CLVS1: variants seen among roughly 807,000 people sequenced by gnomAD.
CLVS1 encodes clavesin-1.
In CLVS1, 10 loss-of-function variants were observed where a neutral mutation model predicts 33.1. The ratio of observed to expected loss-of-function variants is 0.30; its 90% CI spans 0.19 to 0.51. The LOEUF (loss-of-function observed/expected upper bound fraction) is 0.51. Among genes scored for constraint, CLVS1 ranks in the 20% least tolerant of loss-of-function variants. The probability of loss-of-function intolerance (pLI) is 0.97; values close to 1 mark genes in which losing one functional copy is unlikely to be tolerated. For missense variants in CLVS1, 343 were observed against 433.4 expected, an observed-to-expected ratio of 0.79 and a Z score of 1.85; for synonymous variants, 163 against 166.1, an observed-to-expected ratio of 0.98 and a Z score of 0.14.
At chr8:61,257,533 G>C (rs1484927264) in intron 2 of CLVS1, among the ~76,000 whole-genome samples, 1 of 152,142 alleles carries the variant, frequency 6.6e-6, no homozygotes. Flanking sequence ...TTTTAAAGAC[G>C]GAGTGGTAAG....
At chr8:61,141,665 C>T (rs1049263631) in intron 2 of CLVS1, among the ~76,000 whole-genome samples, 12 of 152,296 alleles carry the variant, frequency 7.9e-5, no homozygotes, top group African/African-American at 2.9e-4. Context: ...AATAATACTT[C>T]ACTTATTCAC....
Position 61,075,385 on chromosome 8 carries a change from A to G in CLVS1, c.-243+18155A>G, listed in dbSNP as rs541278540. On this transcript the variant is annotated intron_variant, in intron 1 of 2. Coordinates refer to the CLVS1 transcript ENST00000522621. Reference sequence around the variant, plus strand: ...ACCCCCAAGTTTATCTGGATAAAAAACCATAAGCACCCTCCAGTGTTGACA... The same window carrying G: ...ACCCCCAAGTTTATCTGGATAAAAAGCCATAAGCACCCTCCAGTGTTGACA... Among the ~76,000 whole-genome samples, 14 of 152,344 alleles carry G rather than the reference A, an allele frequency of 9.2e-5. No homozygotes were observed. The East Asian group carries it at 2.7e-3, about 29-fold the overall frequency.
chr8:61,406,524 T>C (rs923712872), intron 3 of CLVS1, among the ~76,000 whole-genome samples: 1 of 152,142 alleles, frequency 6.6e-6, no homozygotes, highest in Non-Finnish European at 1.5e-5. Context: ...AAATATTTAA[T>C]GTATAATCAT....
chr8:61,015,953 G>T, the CLVS1 span, among the ~76,000 whole-genome samples: 6 of 152,116 alleles, frequency 3.9e-5, no homozygotes, highest in African/African-American at 1.4e-4. Context: ...GAGCTGGGTG[G>T]TTACTCAATA....
chr8:61,243,665 T>A (rs1808743211), intron 2 of CLVS1, among the ~76,000 whole-genome samples: 1 of 152,214 alleles, frequency 6.6e-6, no homozygotes, highest in Admixed American at 6.5e-5. Context: ...TTTTAATGTC[T>A]GTAGGATCTG....
chr8:61,185,438 A>C (rs564848892), intron 2 of CLVS1, among the ~76,000 whole-genome samples: 1 of 151,940 alleles, frequency 6.6e-6, no homozygotes, highest in Non-Finnish European at 1.5e-5. Context: ...ATAGGCATGA[A>C]CCACCACTCT....
intron 2 of CLVS1, among the ~76,000 whole-genome samples, chr8:61,203,844 G>A (rs1358636705): frequency 6.6e-6 from 1 of 152,204 alleles, no homozygotes; most frequent in Non-Finnish European, 1.5e-5. Context: ...CCAGTGGAAA[G>A]CAAGGCACAC....
intron 2 of CLVS1, among the ~76,000 whole-genome samples, chr8:61,337,518 A>C (rs1811849127): frequency 6.6e-6 from 1 of 151,920 alleles, no homozygotes; most frequent in South Asian, 2.1e-4. Flanking sequence ...CCCCTCCAGG[A>C]TTTCCGCCCT....
intron 2 of CLVS1, among the ~76,000 whole-genome samples, chr8:61,352,716 C>T (rs1351940478): frequency 6.6e-6 from 1 of 151,904 alleles, no homozygotes; most frequent in Non-Finnish European, 1.5e-5. Context: ...TAAGTCAGCC[C>T]TCCATGGGTT....
the CLVS1 span, among the ~76,000 whole-genome samples, chr8:60,998,605 C>G: frequency 6.6e-5 from 10 of 152,146 alleles, no homozygotes; most frequent in Non-Finnish European, 1.5e-4. Flanking sequence ...TTCCCCCACC[C>G]CCTGCCTCTG....
intron 2 of CLVS1, among the ~76,000 whole-genome samples, chr8:61,339,366 TG>T (rs796599474): frequency 5.8e-4 from 89 of 152,214 alleles, no homozygotes; most frequent in African/African-American, 1.9e-3. Context: ...TTAATACGCT[TG>T]GAATTTTGCT....
intron 2 of CLVS1, among the ~76,000 whole-genome samples, chr8:61,231,940 T>G (rs1027347691): frequency 6.6e-6 from 1 of 151,616 alleles, no homozygotes; most frequent in Non-Finnish European, 1.5e-5. Context: ...CCTCTATGCA[T>G]GTATTTTGCT....
chr8:61,059,233 G>T (rs939377180), intron 1 of CLVS1, among the ~76,000 whole-genome samples: 2 of 151,832 alleles, frequency 1.3e-5, no homozygotes, highest in African/African-American at 4.8e-5. Flanking sequence ...TGTAATTTCA[G>T]TCCTTCTAGT....
intron 1 of CLVS1, among the ~76,000 whole-genome samples, chr8:61,088,536 A>G (rs1380368443): frequency 6.6e-6 from 1 of 151,066 alleles, no homozygotes; most frequent in Non-Finnish European, 1.5e-5. Context: ...TTTTCCGTTA[A>G]TAGATACTTG....
In CLVS1 at chr8:61,360,047, G is replaced by T. The variant is rs537789270; in HGVS notation, c.456-16558G>T. On this transcript the variant is annotated intron_variant, in intron 2 of 5. Coordinates refer to ENST00000325897, the MANE Select transcript of CLVS1 (RefSeq NM_173519.3). ...CAACTTGCAACTCTACAGAGCCATT[G>T]TAGGCAGGCCCGCAGGGAGTTTGGG... Among the ~76,000 whole-genome samples the T allele has an allele frequency of 1.7e-3, 254 of 152,000 alleles. 2 individuals are homozygous for T. Among genetic ancestry groups the T allele is most frequent in the African/African-American group, 5.9e-3 (244 of 41,260 alleles).
intron 1 of CLVS1, among the ~76,000 whole-genome samples, chr8:61,081,457 G>A (rs974660503): frequency 1.4e-5 from 2 of 145,742 alleles, no homozygotes; most frequent in Non-Finnish European, 2.9e-5. Context: ...AAGAGCTACA[G>A]GGGGTAAGGA....
intron 2 of CLVS1, among the ~76,000 whole-genome samples, chr8:61,232,530 T>G (rs965344960): frequency 6.6e-6 from 1 of 152,146 alleles, no homozygotes; most frequent in Non-Finnish European, 1.5e-5. Context: ...TCCAAACTAG[T>G]TTCCTTCCTT....
intron 2 of CLVS1, among the ~76,000 whole-genome samples, chr8:61,170,218 A>G (rs985718881): frequency 3.9e-5 from 6 of 152,118 alleles, no homozygotes; most frequent in Non-Finnish European, 8.8e-5. Flanking sequence ...ACTGGCTACT[A>G]TGTGGTGAGC....
chr8:61,431,090 A>G (rs1030783623), intron 3 of CLVS1, among the ~76,000 whole-genome samples: 2 of 152,242 alleles, frequency 1.3e-5, no homozygotes, highest in Non-Finnish European at 2.9e-5. Flanking sequence ...AAACTGTCAC[A>G]TCACCATCTC....
Sources: allele counts gnomAD v4.1 joint callset (sites outside exome capture counted in the v4.1 genomes callset), GRCh38; gene constraint gnomAD v4.1.1; transcripts MANE v1.5; gene names NCBI Gene and HGNC (gene_info 2026-07-23, HGNC 2026-07-21).